The following PDE7B variants were observed in gnomAD, a reference collection of about 807,000 sequenced individuals.
PDE7B encodes phosphodiesterase 7B.
In PDE7B, 29 loss-of-function variants were observed where a neutral mutation model predicts 56.2. The ratio of observed to expected loss-of-function variants is 0.52; its 90% confidence interval spans 0.38 to 0.70. The LOEUF (loss-of-function observed/expected upper bound fraction) is 0.70, where lower values mean the gene tolerates loss of function less well. Among genes scored for constraint, PDE7B ranks in the 30% least tolerant of loss-of-function variants. The pLI is 0.00. For missense variants in PDE7B, 490 were observed against 565.0 expected (o/e 0.87, Z 1.35); for synonymous variants, 197 against 196.9 (o/e 1.00, Z 0.00).
chr6:136,113,215 A>G (rs1777777444), intron 3 of PDE7B, among the ~76,000 whole-genome samples: 1 of 152,250 alleles, frequency 6.6e-6, no homozygotes, highest in Admixed American at 6.5e-5. Flanking sequence ...TTACTTAGCC[A>G]TTCCACAATG....
intron 1 of PDE7B, among the ~76,000 whole-genome samples, chr6:135,856,389 C>T (rs1775027457): frequency 6.6e-6 from 1 of 152,172 alleles, no homozygotes; most frequent in African/African-American, 2.4e-5. Context: ...CAATCACTGT[C>T]CTGGATTTTC....
chr6:136,138,187 T>C (rs1778248884), intron 3 of PDE7B, among the ~76,000 whole-genome samples: 1 of 152,170 alleles, frequency 6.6e-6, no homozygotes, highest in Non-Finnish European at 1.5e-5. Flanking sequence ...GCGAGCTATC[T>C]GTAAGATTTA....
At chr6:135,895,003 T>A (rs151213758) in intron 1 of PDE7B, among the ~76,000 whole-genome samples, 1 of 152,064 alleles carries the variant, frequency 6.6e-6, no homozygotes, top group African/African-American at 2.4e-5. Flanking sequence ...CTAAAAAGGG[T>A]TTAAGATAGG....
Position 136,108,870 on chromosome 6 carries a change from A to G in PDE7B, c.166+56A>G. 2.7e-6 allele frequency: 3 copies of G among 1,107,458 alleles called. No individual in the cohort carries two copies. In the Admixed American group the frequency reaches 5.1e-5, roughly 19 times the overall value. The allele number at this position is 1,107,458 out of a possible 1,614,324, so 68.6% of individuals were successfully genotyped here. On this transcript the variant is annotated intron_variant, in intron 3 of 12. Coordinates refer to ENST00000308191, the MANE Select transcript of PDE7B (RefSeq NM_018945.4). ...AAACGTTTTCTTCAAAAAGAAAAAA[A>G]AAAATCCTCATTTCCCTCTGAACTT...
intron 2 of PDE7B, among the ~76,000 whole-genome samples, chr6:136,006,204 G>T (rs1180080675): frequency 2.6e-3 from 289 of 113,224 alleles, no homozygotes; most frequent in Non-Finnish European, 3.8e-3. Flanking sequence ...GGGGCCTGTT[G>T]TGGGGTGGGG....
At chr6:136,098,149 A>AAAAAAAATATAT (rs1311774244) in intron 2 of PDE7B, 1 of 135,470 alleles carries the variant, frequency 7.4e-6, no homozygotes, top group African/African-American at 2.7e-5. Flanking sequence ...GGGGGGGGGA[A>AAAAAAAATATAT]ATATATGTAT....
Position 136,099,004 on chromosome 6 carries a change from T to G in PDE7B, c.83-9727T>G, listed in dbSNP as rs115312569. On this transcript the variant is annotated intron_variant, in intron 2 of 12. Coordinates refer to ENST00000308191, the MANE Select transcript of PDE7B (RefSeq NM_018945.4). ...TGTGTTCTCATCATTTAACTCCCAG[T>G]TATGAGTGAGAACATGCAGTGTATG... Among the ~76,000 whole-genome samples, 1,135 of 147,066 alleles carry G rather than the reference T, an allele frequency of 7.7e-3. 13 individuals carry two copies. The highest frequency in any genetic ancestry group is 0.026 in the African/African-American group (1,051 of 40,114).
At chr6:136,177,799 G>A (rs145389194) in intron 9 of PDE7B, among the ~76,000 whole-genome samples, 15 of 152,184 alleles carry the variant, frequency 9.9e-5, no homozygotes, top group South Asian at 2.1e-4. Context: ...CTGCACATGC[G>A]TAACTAGAGG....
chr6:135,940,917 A>T (rs1279617829), intron 1 of PDE7B, among the ~76,000 whole-genome samples: 1 of 152,244 alleles, frequency 6.6e-6, no homozygotes, highest in East Asian at 1.9e-4. Flanking sequence ...CCCATTATGC[A>T]TTAGTCATTG....
intron 1 of PDE7B, among the ~76,000 whole-genome samples, chr6:135,888,722 C>T (rs182405877): frequency 2.0e-5 from 3 of 151,484 alleles, no homozygotes; most frequent in Non-Finnish European, 4.4e-5. Context: ...CTGTTCTGGA[C>T]TATTTAGAAA....
At chr6:135,955,874 A>G (rs1340105276) in intron 2 of PDE7B, among the ~76,000 whole-genome samples, 1 of 152,198 alleles carries the variant, frequency 6.6e-6, no homozygotes, top group African/African-American at 2.4e-5. Flanking sequence ...TCCCGCAAAG[A>G]AGAGTCCAAG....
intron 1 of PDE7B, among the ~76,000 whole-genome samples, chr6:135,862,062 T>C (rs2128184775): frequency 6.6e-6 from 1 of 151,988 alleles, no homozygotes; most frequent in South Asian, 2.1e-4. Context: ...AGAATACTGG[T>C]GGTCACCGAT....
chr6:135,972,609 G>C (rs1775113196), intron 2 of PDE7B, among the ~76,000 whole-genome samples: 1 of 152,150 alleles, frequency 6.6e-6, no homozygotes, highest in Non-Finnish European at 1.5e-5. Flanking sequence ...CAGATGGGAA[G>C]TATTTTTTTG....
At chr6:136,082,273 A>G (rs138717115) in intron 2 of PDE7B, among the ~76,000 whole-genome samples, 140 of 152,214 alleles carry the variant, frequency 9.2e-4, no homozygotes, top group Middle Eastern at 3.4e-3. Context: ...TGCCTCTCCC[A>G]TTGGGCATTG....
chr6:135,851,786 C>G lies in PDE7B; in HGVS notation c.-213C>G, dbSNP rs1045362421. ...GGTGTTACTCACCCAGGGAGAGTCT[C>G]TCTTTCTACCTTCCTTCTTTCTCGA... On this transcript the variant is annotated 5_prime_UTR_variant, in exon 1 of 13. Transcript: ENST00000308191. The G allele has an allele frequency of 1.3e-5, 7 of 547,046 alleles. No homozygotes were observed. The highest frequency in any genetic ancestry group is 1.3e-4 in the Admixed American group (4 of 31,378). 33.9% of individuals were successfully genotyped at this position (547,046 alleles called of 1,614,324 possible). A position where few individuals can be genotyped will look rare whatever the true frequency, so the allele number is the denominator to read the frequency against.
chr6:136,096,879 GTC>G (rs1345452007), intron 2 of PDE7B, among the ~76,000 whole-genome samples: 1 of 151,854 alleles, frequency 6.6e-6, no homozygotes, highest in Non-Finnish European at 1.5e-5. Context: ...CTCTCTCTGT[GTC>G]TCTCTCTCAC....
chr6:135,888,173 T>C (rs1036213990), intron 1 of PDE7B, among the ~76,000 whole-genome samples: 1 of 152,188 alleles, frequency 6.6e-6, no homozygotes, highest in Non-Finnish European at 1.5e-5. Flanking sequence ...AGTTTCGTTT[T>C]AAAGACTTTT....
chr6:135,892,563 C>T (rs1179891175), intron 1 of PDE7B, among the ~76,000 whole-genome samples: 2 of 152,126 alleles, frequency 1.3e-5, no homozygotes, highest in East Asian at 1.9e-4. Context: ...TAAATAATTA[C>T]TTCCATCAGT....
intron 1 of PDE7B, among the ~76,000 whole-genome samples, chr6:135,932,603 C>T (rs1427495252): frequency 6.6e-6 from 1 of 152,128 alleles, no homozygotes; most frequent in Non-Finnish European, 1.5e-5. Context: ...TTCATGAAAT[C>T]GTACTATTGA....
Sources: gnomAD v4.1 joint callset for allele counts (sites outside exome capture counted in the v4.1 genomes callset) on GRCh38, gnomAD v4.1.1 for gene constraint, MANE v1.5 for transcripts, NCBI Gene and HGNC (gene_info 2026-07-23, HGNC 2026-07-21) for gene names.